The following RXFP2 variants were observed in gnomAD, a reference collection of about 807,000 sequenced individuals.
RXFP2 encodes the protein relaxin receptor 2.
RXFP2 carries 68 observed loss-of-function variants against 88.6 expected under a neutral mutation model. That is an observed-to-expected ratio of 0.77 (90% CI 0.63 to 0.94). The LOEUF (loss-of-function observed/expected upper bound fraction) is 0.94. RXFP2 is among the 40% of genes least tolerant of loss of function. The pLI, the probability that RXFP2 is intolerant of heterozygous loss-of-function variation, is 0.00. For synonymous variants in RXFP2, 329 were observed against 306.8 expected (o/e 1.07, Z -0.76); for missense variants, 791 against 893.9 (o/e 0.88, Z 1.47).
Position 31,791,807 on chromosome 13 carries a change from T to TACTA in RXFP2, c.1148_1149insCTAA (p.Phe384Ter). 6.2e-7 allele frequency: 1 copy of TACTA among 1,612,152 alleles called. No homozygotes were observed. The highest frequency in any genetic ancestry group is 8.5e-7 in the Non-Finnish European group (1 of 1,178,178). ...CACTTTTTTTCCCTTTGACTTTAGT[T>TACTA]ATTTCAAAAACTTTCGATACTGCTC... On this transcript the variant is annotated stop_gained and frameshift_variant and splice_region_variant, in exon 15 of 18. Transcript: ENST00000298386. LOFTEE classifies it high-confidence loss of function.
intron 5 of RXFP2, among the ~76,000 whole-genome samples, chr13:31,769,196 G>T (rs967155703): frequency 6.6e-6 from 1 of 152,164 alleles, no homozygotes; most frequent in South Asian, 2.1e-4. Context: ...AATTTGTTAG[G>T]TGGTGGTGAG....
intron 13 of RXFP2, among the ~76,000 whole-genome samples, chr13:31,788,140 A>G (rs897663915): frequency 6.6e-5 from 10 of 151,640 alleles, no homozygotes; most frequent in African/African-American, 2.2e-4. Flanking sequence ...CCAGAGAGAA[A>G]AAAAAAAAAA....
At chr13:31,763,413 AG>A (rs1872395346) in intron 3 of RXFP2, among the ~76,000 whole-genome samples, 1 of 152,068 alleles carries the variant, frequency 6.6e-6, no homozygotes, top group Admixed American at 6.6e-5. Context: ...ATCCTGATGG[AG>A]GAGGGTGGGT....
At chr13:31,741,182 A>C (rs1289609984) in intron 1 of RXFP2, among the ~76,000 whole-genome samples, 4 of 151,832 alleles carry the variant, frequency 2.6e-5, no homozygotes, top group Admixed American at 6.6e-5. Context: ...CCTTTAAACT[A>C]AAAAAAAGTT....
At chr13:31,756,313 A>G (rs1490547856) in intron 1 of RXFP2, among the ~76,000 whole-genome samples, 1 of 152,206 alleles carries the variant, frequency 6.6e-6, no homozygotes, top group African/African-American at 2.4e-5. Context: ...TCGTTTCCTC[A>G]TCTTTATTTG....
At chr13:31,760,644 C>G (rs916580480) in intron 2 of RXFP2, among the ~76,000 whole-genome samples, 3 of 152,174 alleles carry the variant, frequency 2.0e-5, no homozygotes, top group African/African-American at 4.8e-5. Flanking sequence ...AGTGAGGGAG[C>G]ATCATAGTAG....
At chr13:31,777,315 G>A (rs1692355830) in intron 7 of RXFP2, 61 bp from the exon 8 acceptor site, 3 of 1,185,900 alleles carry the variant, frequency 2.5e-6, no homozygotes, top group African/African-American at 3.0e-5. Context: ...GTTGAGGGGA[G>A]GCAGGTTTTA....
At chr13:31,759,447 T>A (rs75924444) in intron 2 of RXFP2, among the ~76,000 whole-genome samples, 4,219 of 40,462 alleles carry the variant, frequency 0.1, 223 homozygotes, top group African/African-American at 0.23. Flanking sequence ...GAAAGAAAGA[T>A]ACTGTGAAAT....
rs146573733 is a variant in RXFP2 at position 31,776,420 on chromosome 13, G to A, written c.642-956G>A. On this transcript the variant is annotated intron_variant, in intron 7 of 17. Coordinates refer to ENST00000298386, the MANE Select transcript of RXFP2 (RefSeq NM_130806.5). ...ACACGTGTGAGCCACTACACCCAGC[G>A]AATTTTTTGTATTTTTAGTAGAAAT... Among the ~76,000 whole-genome samples the A allele has an allele frequency of 4.6e-3, 693 of 150,882 alleles. 4 individuals carry two copies. Among genetic ancestry groups the A allele is most frequent in the African/African-American group, 0.016 (672 of 41,136 alleles).
At chr13:31,774,336 A>G (rs1001893468) in intron 5 of RXFP2, among the ~76,000 whole-genome samples, 1 of 152,176 alleles carries the variant, frequency 6.6e-6, no homozygotes, top group Admixed American at 6.5e-5. Flanking sequence ...CGGTCACCAT[A>G]GTGCCAGTTT....
intron 16 of RXFP2, 141 bp downstream of exon 16, chr13:31,793,229 A>G (rs753618524): frequency 3.9e-5 from 29 of 747,538 alleles, no homozygotes; most frequent in Middle Eastern, 3.8e-4. Context: ...AAAAGTTTTT[A>G]CTATTGTGTT....
At chr13:31,749,233 G>T (rs964891816) in intron 1 of RXFP2, among the ~76,000 whole-genome samples, 1 of 151,988 alleles carries the variant, frequency 6.6e-6, no homozygotes, top group African/African-American at 2.4e-5. Flanking sequence ...CTCCTCTGTG[G>T]TACAAATGAT....
chr13:31,779,189 G>C (rs774248657), intron 9 of RXFP2, among the ~76,000 whole-genome samples: 6 of 149,674 alleles, frequency 4.0e-5, no homozygotes, highest in African/African-American at 1.5e-4. Flanking sequence ...GCAGTGGTGC[G>C]ATCTCGGCTC....
At chr13:31,765,262 G>C in intron 4 of RXFP2, 120 bp downstream of exon 4, 2 of 681,430 alleles carry the variant, frequency 2.9e-6, no homozygotes. Context: ...AAAACTACCA[G>C]TCATCAGAGA....
intron 4 of RXFP2, 59 bp from the exon 5 acceptor site, chr13:31,765,897 G>A: frequency 1.2e-6 from 1 of 807,660 alleles, no homozygotes; most frequent in Non-Finnish European, 2.1e-6. Flanking sequence ...GTGGCTTCTA[G>A]GGAAGAGTGG....
At chr13:31,753,117 C>T (rs1871748485) in intron 1 of RXFP2, among the ~76,000 whole-genome samples, 1 of 152,202 alleles carries the variant, frequency 6.6e-6, no homozygotes, top group Non-Finnish European at 1.5e-5. Context: ...AGAGCCAGAA[C>T]ATCTGGCTGA....
Position 31,797,391 on chromosome 13 carries a change from C to T in RXFP2, c.1977C>T (p.Ile659=). 1 of 1,613,994 alleles carries T rather than the reference C, an allele frequency of 6.2e-7. No homozygotes were observed. Among genetic ancestry groups the T allele is most frequent in the East Asian group, 2.2e-5 (1 of 44,872 alleles). ...GGATTCCTGTATTTGTAGTTAAAAT[C>T]CTTTCCCTCTTCCGGGTGGAAATAC... is the stretch of plus-strand genomic sequence containing the variant. The part of the protein sequence containing the change: ...ICWIPVFVVK[I]LSLFRVEIPD... The change falls in exon 17 of 18, where the codon ATC becomes ATT. Residue 659 remains isoleucine, a synonymous_variant. Coordinates refer to ENST00000298386, the MANE Select transcript of RXFP2 (RefSeq NM_130806.5).
At chr13:31,753,365 C>T (rs1189228795) in intron 1 of RXFP2, among the ~76,000 whole-genome samples, 2 of 152,106 alleles carry the variant, frequency 1.3e-5, no homozygotes, top group Non-Finnish European at 1.5e-5. Context: ...TCTCTTGGCA[C>T]AGACACGTCC....
chr13:31,751,887 G>T (rs2138392535), intron 1 of RXFP2, among the ~76,000 whole-genome samples: 1 of 152,286 alleles, frequency 6.6e-6, no homozygotes, highest in Non-Finnish European at 1.5e-5. Context: ...CTCAACTCAT[G>T]CAGAACGAGA....
Sources: allele counts gnomAD v4.1 joint callset (sites outside exome capture counted in the v4.1 genomes callset), GRCh38; gene constraint gnomAD v4.1.1; transcripts MANE v1.5; gene names NCBI Gene and HGNC (gene_info 2026-07-23, HGNC 2026-07-21).